The following TBC1D30 variants were observed in gnomAD, a reference collection of about 807,000 sequenced individuals.
The protein encoded by TBC1D30 is TBC1 domain family, member 30.
A neutral mutation model predicts 63.2 loss-of-function variants in TBC1D30; 31 were observed. The ratio of observed to expected loss-of-function variants is 0.49; its 90% CI spans 0.37 to 0.66. TBC1D30 has a LOEUF of 0.66. Ranked by LOEUF, TBC1D30 falls within the 30% of genes least tolerant of loss-of-function variation. The pLI is 0.00. For synonymous variants in TBC1D30, 307 were observed against 361.5 expected (o/e 0.85, Z 1.71); for missense variants, 810 against 953.6 (o/e 0.85, Z 1.98).
chr12:64,778,529 G>A (rs926121272), upstream of TBC1D30, among the ~76,000 whole-genome samples: 4 of 149,304 alleles, frequency 2.7e-5, no homozygotes, highest in African/African-American at 9.8e-5. Context: ...GGGTGGTTAT[G>A]GAGTGATTCA....
intron 3 of TBC1D30, among the ~76,000 whole-genome samples, chr12:64,828,894 G>A (rs188398302): frequency 3.0e-3 from 450 of 152,278 alleles, no homozygotes; most frequent in African/African-American, 0.01. Flanking sequence ...CCTGAAGGAG[G>A]TGAGAAGCCA....
chr12:64,761,113 G>T (rs1375631561), intron 1 of TBC1D30, among the ~76,000 whole-genome samples: 1 of 152,236 alleles, frequency 6.6e-6, no homozygotes, highest in Non-Finnish European at 1.5e-5. Flanking sequence ...CTTGGTTACA[G>T]CCTTGGCCTA....
chr12:64,781,406 T>C, intron 1 of TBC1D30: 2 of 958,354 alleles, frequency 2.1e-6, no homozygotes, highest in Non-Finnish European at 2.5e-6. Flanking sequence ...TACTGTCTCT[T>C]TGGATCTGAC....
chr12:64,812,644 T>C (rs1449616299), intron 2 of TBC1D30, among the ~76,000 whole-genome samples: 3 of 152,176 alleles, frequency 2.0e-5, no homozygotes, highest in Non-Finnish European at 4.4e-5. Context: ...AAAAAAATGG[T>C]TGAACCAAAT....
chr12:64,872,071 A>G (rs1008986022), intron 11 of TBC1D30, among the ~76,000 whole-genome samples: 1 of 152,204 alleles, frequency 6.6e-6, no homozygotes, highest in Non-Finnish European at 1.5e-5. Flanking sequence ...TCTGTCATTC[A>G]GGCTGGAGTG....
At chr12:64,817,882 G>C (rs1320657961) in intron 2 of TBC1D30, among the ~76,000 whole-genome samples, 3 of 152,072 alleles carry the variant, frequency 2.0e-5, no homozygotes, top group Non-Finnish European at 4.4e-5. Flanking sequence ...GGCTAACATG[G>C]TGAAACCCCA....
intron 2 of TBC1D30, among the ~76,000 whole-genome samples, chr12:64,795,342 A>G (rs1276215520): frequency 6.6e-6 from 1 of 152,180 alleles, no homozygotes; most frequent in African/African-American, 2.4e-5. Context: ...GCATATGGCC[A>G]CTGAGTCCCT....
chr12:64,807,377 A>G (rs1872930907), intron 2 of TBC1D30, among the ~76,000 whole-genome samples: 1 of 152,192 alleles, frequency 6.6e-6, no homozygotes, highest in African/African-American at 2.4e-5. Context: ...CAGCGTGAGA[A>G]TGGACTAATA....
At chr12:64,846,284 G>A (rs1307074379) in intron 8 of TBC1D30, among the ~76,000 whole-genome samples, 1 of 152,182 alleles carries the variant, frequency 6.6e-6, no homozygotes, top group African/African-American at 2.4e-5. Context: ...CCACTCCAAT[G>A]TTTTGTAGAG....
At chr12:64,813,991 C>T (rs747448954) in intron 2 of TBC1D30, among the ~76,000 whole-genome samples, 68 of 152,174 alleles carry the variant, frequency 4.5e-4, no homozygotes, top group Admixed American at 4.6e-4. Context: ...AATACAAGGG[C>T]GTGGATGAAT....
intron 10 of TBC1D30, among the ~76,000 whole-genome samples, chr12:64,869,582 T>A (rs1005150492): frequency 1.3e-5 from 2 of 152,286 alleles, no homozygotes; most frequent in Admixed American, 1.3e-4. Flanking sequence ...AATGGTAAAG[T>A]TTTTGAATCT....
intron 2 of TBC1D30, among the ~76,000 whole-genome samples, chr12:64,797,513 T>C (rs749507727): frequency 6.6e-6 from 1 of 152,212 alleles, no homozygotes; most frequent in African/African-American, 2.4e-5. Flanking sequence ...TCTCTGCATC[T>C]ACCTAGCTAA....
upstream of TBC1D30, among the ~76,000 whole-genome samples, chr12:64,823,354 AAG>A (rs1405587948): frequency 6.6e-6 from 1 of 152,214 alleles, no homozygotes; most frequent in African/African-American, 2.4e-5. Context: ...ATGTCAACTT[AAG>A]AGAGAATTAT....
chr12:64,863,282 C>G (rs1200319069), intron 8 of TBC1D30, among the ~76,000 whole-genome samples: 1 of 152,154 alleles, frequency 6.6e-6, no homozygotes, highest in Non-Finnish European at 1.5e-5. Flanking sequence ...TAACCACGAT[C>G]CTGAGTTTCA....
intron 8 of TBC1D30, among the ~76,000 whole-genome samples, chr12:64,859,083 T>G (rs962915293): frequency 1.1e-4 from 17 of 148,536 alleles, no homozygotes; most frequent in Non-Finnish European, 2.1e-4. Flanking sequence ...TGCGAGGGTG[T>G]TGTGTGTGTG....
chr12:64,833,509 C>T (rs1213495458), intron 5 of TBC1D30, among the ~76,000 whole-genome samples: 5 of 152,134 alleles, frequency 3.3e-5, no homozygotes, highest in Non-Finnish European at 5.9e-5. Context: ...ACTTAGTCTT[C>T]GTGTTCAAGA....
upstream of TBC1D30, among the ~76,000 whole-genome samples, chr12:64,820,235 T>C (rs757614489): frequency 2.0e-5 from 3 of 152,204 alleles, no homozygotes; most frequent in Non-Finnish European, 2.9e-5. Flanking sequence ...CCTTGGGACA[T>C]AGTTTTTATT....
intron 7 of TBC1D30, among the ~76,000 whole-genome samples, chr12:64,840,027 A>AAAAAAAAAAAAAAAAAAAAAAAAC (rs1555171793): frequency 6.2e-5 from 9 of 145,898 alleles, no homozygotes; most frequent in African/African-American, 2.3e-4. Context: ...AAAAAAAAAA[A>AAAAAAAAAAAAAAAAAAAAAAAAC]ATCCACCAAC....
chr12:64,836,642 A>C lies in TBC1D30; in HGVS notation c.747A>C (p.Ala249=), dbSNP rs1468678453. 2.6e-6 allele frequency: 4 copies of C among 1,534,436 alleles called. No individual in the cohort carries two copies. Among genetic ancestry groups the C allele is most frequent in the Non-Finnish European group, 3.5e-6 (4 of 1,145,768 alleles). The part of the protein sequence containing the change: ...SQHLDTLQRT[A]NKESGGGYEP... The stretch of plus-strand genomic sequence containing the variant: ...ACCTGGATACTCTTCAGAGAACTGC[A>C]AACAAAGAAAGTGGAGGTAGGTTTC... Residue 249 remains alanine (A), a synonymous_variant, in exon 6 of 12, where the codon GCA becomes GCC. Coordinates refer to ENST00000539867, the MANE Select transcript of TBC1D30 (RefSeq NM_015279.2).
Sources: gnomAD v4.1 joint callset for allele counts (sites outside exome capture counted in the v4.1 genomes callset) on GRCh38, gnomAD v4.1.1 for gene constraint, MANE v1.5 for transcripts, NCBI Gene and HGNC (gene_info 2026-07-23, HGNC 2026-07-21) for gene names.